CHM: variants seen among roughly 807,000 people sequenced by gnomAD.
CHM encodes rab proteins geranylgeranyltransferase component A 1.
CHM carries 10 observed loss-of-function variants against 49.0 expected under a neutral mutation model. The observed-to-expected ratio is 0.20, with a 90% confidence interval of 0.13 to 0.35. The LOEUF (loss-of-function observed/expected upper bound fraction) is 0.35, where lower values mean the gene tolerates loss of function less well. Among genes scored for constraint, CHM ranks in the 10% least tolerant of loss-of-function variants. CHM has a pLI of 1.00. For synonymous variants in CHM, 184 were observed against 167.5 expected, an observed-to-expected ratio of 1.10 and a Z score of -0.76; for missense variants, 455 against 478.4, an observed-to-expected ratio of 0.95 and a Z score of 0.46.
chrX:86,005,007 T>C (rs929609166), intron 2 of CHM, among the ~76,000 whole-genome samples: 119 of 112,056 alleles, frequency 1.1e-3, no homozygotes, highest in Admixed American at 4.9e-3. Context: ...GACCACATAA[T>C]TGGAAGTAAA....
chrX:85,903,836 T>C (rs1294146308), intron 9 of CHM: 6 of 307,391 alleles, frequency 2.0e-5, no homozygotes, highest in Non-Finnish European at 3.8e-5. Flanking sequence ...GAAATTGAGG[T>C]GATGGTCACA....
intron 2 of CHM, among the ~76,000 whole-genome samples, chrX:86,010,103 G>A (rs1329004188): frequency 1.7e-4 from 17 of 101,574 alleles, no homozygotes; most frequent in African/African-American, 5.4e-4. Context: ...ACCAAACACT[G>A]CATGTTCTCA....
intron 1 of CHM, among the ~76,000 whole-genome samples, chrX:86,033,469 AT>A (rs1479008733): frequency 8.9e-6 from 1 of 112,531 alleles, no homozygotes; most frequent in Admixed American, 9.4e-5. Flanking sequence ...GAACTAGAAA[AT>A]TTACTGTGAC....
chrX:85,981,846 A>C, intron 2 of CHM, 37 bp from the exon 3 acceptor site: 1 of 1,007,860 alleles, frequency 9.9e-7, no homozygotes. Flanking sequence ...AGTAAAGAAA[A>C]TGGTATAAAA....
Position 85,864,573 on chromosome X carries a change from A to T in CHM, c.*57T>A. On this transcript the variant is annotated 3_prime_UTR_variant, in exon 15 of 15. Transcript: ENST00000357749. ...TTCTCAAACAGTCCTTCTATCAAGT[A>T]GACTCTGAGACCAGTCAGAATTTCC... The T allele has an allele frequency of 1.0e-6, 1 of 996,560 alleles. No individual in the cohort carries two copies. The highest frequency in any genetic ancestry group is 1.4e-6 in the Non-Finnish European group (1 of 706,645). 82.1% of individuals were successfully genotyped at this position (996,560 alleles called of 1,213,427 possible).
intron 8 of CHM, among the ~76,000 whole-genome samples, chrX:85,924,965 T>C (rs1224558520): frequency 8.9e-6 from 1 of 112,117 alleles, no homozygotes; most frequent in African/African-American, 3.2e-5. Context: ...GATGAGACTG[T>C]AGATGATACA....
intron 1 of CHM, among the ~76,000 whole-genome samples, chrX:86,032,006 T>A (rs1934064444): frequency 8.9e-6 from 1 of 112,652 alleles, no homozygotes; most frequent in Non-Finnish European, 1.9e-5. Flanking sequence ...AAATAATGAC[T>A]GTTTTGTTTA....
At chrX:85,913,863 A>G (rs770008841) in intron 8 of CHM, among the ~76,000 whole-genome samples, 1 of 110,350 alleles carries the variant, frequency 9.1e-6, no homozygotes, top group Admixed American at 9.7e-5. Flanking sequence ...AGACCAGACA[A>G]TCAAGTAGAC....
intron 8 of CHM, among the ~76,000 whole-genome samples, chrX:85,914,285 G>A (rs1927323254): frequency 9.0e-6 from 1 of 110,821 alleles, no homozygotes; most frequent in Non-Finnish European, 1.9e-5. Context: ...CCCTTTGTGA[G>A]CAACTGGACC....
intron 12 of CHM, among the ~76,000 whole-genome samples, chrX:85,891,202 T>G (rs906106195): frequency 2.7e-5 from 3 of 112,142 alleles, no homozygotes; most frequent in Non-Finnish European, 5.6e-5. Flanking sequence ...TTCAGAAAAT[T>G]TGCAGCTTGA....
At chrX:85,979,169 G>C (rs1931454823) in intron 3 of CHM, among the ~76,000 whole-genome samples, 1 of 111,901 alleles carries the variant, frequency 8.9e-6, no homozygotes, top group African/African-American at 3.2e-5. Context: ...TTCGGACATG[G>C]CTGTTTGGAC....
intron 2 of CHM, among the ~76,000 whole-genome samples, chrX:86,002,563 G>A (rs1932764416): frequency 8.9e-6 from 1 of 112,391 alleles, no homozygotes; most frequent in Non-Finnish European, 1.9e-5. Flanking sequence ...GACAGCGGGT[G>A]CAGCCCACAG....
intron 12 of CHM, among the ~76,000 whole-genome samples, chrX:85,882,596 A>G (rs1924829323): frequency 8.9e-6 from 1 of 112,315 alleles, no homozygotes; most frequent in South Asian, 3.6e-4. Context: ...TTCTATCACA[A>G]TCCCTCTTTT....
At chrX:85,977,869 G>A (rs1455588768) in intron 4 of CHM, among the ~76,000 whole-genome samples, 1 of 67,550 alleles carries the variant, frequency 1.5e-5, no homozygotes, top group Non-Finnish European at 3.9e-5. Flanking sequence ...TACTTACATG[G>A]AAGATATGAA....
At chrX:85,912,492 G>A (rs1053084207) in intron 8 of CHM, among the ~76,000 whole-genome samples, 2 of 111,444 alleles carry the variant, frequency 1.8e-5, no homozygotes, top group African/African-American at 6.5e-5. Context: ...GTATGCTTAG[G>A]GTGAATGAAT....
intron 8 of CHM, among the ~76,000 whole-genome samples, chrX:85,933,863 C>A (rs1470503624): frequency 1.8e-5 from 2 of 111,681 alleles, no homozygotes; most frequent in Admixed American, 1.9e-4. Context: ...AATTTAATTT[C>A]TATGAAATAA....
In CHM at chrX:85,969,973, A is replaced by C. The variant is rs756682188; in HGVS notation, c.315-5921T>G. On this transcript the variant is annotated intron_variant, in intron 4 of 14. Transcript: ENST00000357749. ...GGGGAAGATGAGGAGAGGTTGGTCA[A>C]TGGGTATAATGTTACAGTTAGGTAG... The C allele has an allele frequency of 2.7e-5, 3 of 112,020 alleles. No homozygotes were observed. In the East Asian group the frequency reaches 8.4e-4, roughly 32 times the overall value. 9.2% of individuals were successfully genotyped at this position (112,020 alleles called of 1,213,427 possible).
In CHM at chrX:85,911,216, AAT is replaced by A. The variant is rs374586671; in HGVS notation, c.1244+43_1244+44del. 0.016 allele frequency: 1,204 copies of A among 77,188 alleles called. No individual in the cohort carries two copies. Among genetic ancestry groups the A allele is most frequent in the South Asian group, 0.033 (143 of 4,295 alleles). 6.4% of individuals were successfully genotyped at this position (77,188 alleles called of 1,213,427 possible). On this transcript the variant is annotated intron_variant, in intron 9 of 14. Coordinates refer to ENST00000357749, the MANE Select transcript of CHM (RefSeq NM_000390.4). ...ATATATATATGAATATATATATATGAATATATATATATATATATATGAAGGTT... is the reference window on the plus strand; with the variant it reads ...ATATATATATGAATATATATATATGAATATATATATATATATATGAAGGTT...
At chrX:85,998,933 T>C (rs187150590) in intron 2 of CHM, among the ~76,000 whole-genome samples, 132 of 111,707 alleles carry the variant, frequency 1.2e-3, no homozygotes, top group African/African-American at 3.7e-3. Flanking sequence ...TATAGATATA[T>C]ACGTTGCTTG....
Sources: allele counts gnomAD v4.1 joint callset (sites outside exome capture counted in the v4.1 genomes callset), GRCh38; gene constraint gnomAD v4.1.1; transcripts MANE v1.5; gene names NCBI Gene and HGNC (gene_info 2026-07-23, HGNC 2026-07-21).